STN1: variants seen among roughly 807,000 people sequenced by gnomAD.
STN1 encodes the protein STN1 subunit of CST complex.
STN1 carries 29 observed loss-of-function variants against 45.5 expected under a neutral mutation model. The observed-to-expected ratio is 0.64, with a 90% CI of 0.47 to 0.87. The LOEUF (loss-of-function observed/expected upper bound fraction) is 0.87. Ranked by LOEUF, STN1 falls within the 40% of genes least tolerant of loss-of-function variation. STN1 has a pLI of 0.00. For synonymous variants in STN1, 148 were observed against 159.0 expected, an observed-to-expected ratio of 0.93 and a Z score of 0.52; for missense variants, 376 against 441.4, an observed-to-expected ratio of 0.85 and a Z score of 1.33.
At chr10:103,890,892 A>C (rs1192275240) in intron 8 of STN1, among the ~76,000 whole-genome samples, 1 of 152,228 alleles carries the variant, frequency 6.6e-6, no homozygotes, top group Non-Finnish European at 1.5e-5. Flanking sequence ...AGAGCTGCAC[A>C]TAACGGAGTC....
At chr10:103,916,150 C>T (rs1280716028) in intron 2 of STN1, among the ~76,000 whole-genome samples, 1 of 152,184 alleles carries the variant, frequency 6.6e-6, no homozygotes, top group Non-Finnish European at 1.5e-5. Context: ...TTTAAAACAC[C>T]TTGGAAACAT....
rs772697510 is a variant in STN1 at position 103,900,127 on chromosome 10, G to A, written c.392C>T (p.Thr131Met). Residue 131 changes from threonine (T) to methionine (M), a missense_variant, in exon 5 of 10, where the codon ACG becomes ATG. Physicochemically the swap from Thr to Met is moderately conservative, Grantham distance 81 (BLOSUM62 -1). Transcript: ENST00000224950. ...EQKTKIEIGDTIRVRGSIRTY... is the reference protein window; with the variant it reads ...EQKTKIEIGDMIRVRGSIRTY... ...GCGGATACTGCCTCTGACTCGGATC[G>A]TGTCCCCGATCTCTATCTTTGTTTT... 143 of 1,614,140 alleles carry A rather than the reference G, an allele frequency of 8.9e-5. 1 individual carries two copies. In the Admixed American group the frequency reaches 2.0e-3, roughly 23 times the overall value.
At chr10:103,900,320 T>C (rs1589499969) in intron 4 of STN1, 97 bp from the exon 5 acceptor site, 3 of 1,144,724 alleles carry the variant, frequency 2.6e-6, no homozygotes, top group Admixed American at 5.0e-5. Flanking sequence ...CAACACAATA[T>C]GCTTATTTAT....
At chr10:103,890,398 G>A (rs1843132302) in intron 8 of STN1, among the ~76,000 whole-genome samples, 1 of 152,218 alleles carries the variant, frequency 6.6e-6, no homozygotes, top group African/African-American at 2.4e-5. Context: ...CAGGAGAAAG[G>A]TGACTACAAA....
In STN1 at chr10:103,881,785, C is replaced by G. The variant is rs781772750; in HGVS notation, c.*899G>C. On this transcript the variant is annotated 3_prime_UTR_variant, in exon 10 of 10. Coordinates refer to ENST00000224950, the MANE Select transcript of STN1 (RefSeq NM_024928.5). ...CTGTCAGAACAGGCCTACAACATAC[C>G]TCAGATGTTTTTCCTTTACCTTGTC... Among the ~76,000 whole-genome samples the G allele has an allele frequency of 2.0e-5, 3 of 152,192 alleles. No homozygotes were observed. Among genetic ancestry groups the G allele is most frequent in the South Asian group, 2.1e-4 (1 of 4,826 alleles).
chr10:103,910,671 T>A, intron 2 of STN1, 49 bp from the exon 3 acceptor site: 1 of 1,060,796 alleles, frequency 9.4e-7, no homozygotes, highest in Non-Finnish European at 1.4e-6. Flanking sequence ...TTACATTTTC[T>A]GCTTCAATAA....
intron 2 of STN1, among the ~76,000 whole-genome samples, chr10:103,916,266 C>T (rs1843330995): frequency 6.6e-6 from 1 of 152,180 alleles, no homozygotes; most frequent in Non-Finnish European, 1.5e-5. Context: ...CCTGTCATGT[C>T]CTTGGTACCT....
At chr10:103,885,784 C>T (rs1190053620) in intron 9 of STN1, among the ~76,000 whole-genome samples, 5 of 152,066 alleles carry the variant, frequency 3.3e-5, no homozygotes, top group African/African-American at 9.7e-5. Flanking sequence ...TTACATAATT[C>T]GACTCTTCTG....
chr10:103,914,376 T>A (rs868276555), intron 2 of STN1, among the ~76,000 whole-genome samples: 29 of 123,842 alleles, frequency 2.3e-4, no homozygotes, highest in African/African-American at 5.7e-4. Context: ...ATATATATAT[T>A]TTTTTTTTTT....
intron 3 of STN1, among the ~76,000 whole-genome samples, chr10:103,906,768 A>G (rs952124311): frequency 6.6e-6 from 1 of 152,246 alleles, no homozygotes; most frequent in African/African-American, 2.4e-5. Flanking sequence ...GGAAGATCTA[A>G]AAATGGCCAA....
At chr10:103,889,170 G>T in intron 8 of STN1, 26 bp from the exon 9 acceptor site, 1 of 1,513,846 alleles carries the variant, frequency 6.6e-7, no homozygotes, top group Non-Finnish European at 9.2e-7. Context: ...AGTTGAGAGA[G>T]AGAGTGTTCT....
At chr10:103,893,664 C>T (rs2134362198) in intron 7 of STN1, among the ~76,000 whole-genome samples, 1 of 152,292 alleles carries the variant, frequency 6.6e-6, no homozygotes, top group South Asian at 2.1e-4. Context: ...ATGACATTTC[C>T]TCAAGGGGAG....
chr10:103,906,657 T>G (rs1843243570), intron 3 of STN1, among the ~76,000 whole-genome samples: 1 of 150,340 alleles, frequency 6.7e-6, no homozygotes, highest in Non-Finnish European at 1.5e-5. Context: ...TGAAACCTTG[T>G]TTCAAAAAAT....
At chr10:103,883,814 G>A (rs1465682017) in intron 9 of STN1, among the ~76,000 whole-genome samples, 2 of 152,128 alleles carry the variant, frequency 1.3e-5, no homozygotes, top group African/African-American at 2.4e-5. Context: ...TATGGGCTAG[G>A]TGCAGTGGCT....
chr10:103,882,633 G>A lies in STN1; in HGVS notation c.*51C>T. 1 of 1,549,310 alleles carries A rather than the reference G, an allele frequency of 6.5e-7. No homozygotes were observed. Among genetic ancestry groups the A allele is most frequent in the Non-Finnish European group, 8.8e-7 (1 of 1,142,806 alleles). The stretch of plus-strand genomic sequence containing the variant: ...ATGATGCTGAAAGTCAGAGCCTGGG[G>A]GTGAATGCCACCTTATCTTTGTCCT... On this transcript the variant is annotated 3_prime_UTR_variant, in exon 10 of 10. Transcript: ENST00000224950.
intron 4 of STN1, among the ~76,000 whole-genome samples, 155 bp from the exon 5 acceptor site, chr10:103,900,378 T>C (rs1843200809): frequency 6.6e-6 from 1 of 152,246 alleles, no homozygotes. Context: ...CATAACCTTT[T>C]GGAGTACTCC....
intron 9 of STN1, 143 bp from the exon 10 acceptor site, chr10:103,882,984 C>T: frequency 1.3e-6 from 1 of 792,220 alleles, no homozygotes; most frequent in East Asian, 2.9e-5. Context: ...GCATGATCTA[C>T]CTGATCACAA....
rs879538483 is a variant in STN1, at chr10:103,878,668, G to C, written c.*4016C>G. ...GCTATGTGGGGTAAAAAGCACCTGA[G>C]ATCTCACCATGCAGAGGTAACATGT... On this transcript the variant is annotated 3_prime_UTR_variant, in exon 10 of 10. Coordinates refer to ENST00000224950, the MANE Select transcript of STN1 (RefSeq NM_024928.5). The C allele has an allele frequency of 2.0e-5, 3 of 152,156 alleles. No individual in the cohort carries two copies. Among genetic ancestry groups the C allele is most frequent in the Admixed American group, 6.5e-5 (1 of 15,268 alleles). 9.4% of individuals were successfully genotyped at this position (152,156 alleles called of 1,614,324 possible). A position where few individuals can be genotyped will look rare whatever the true frequency, so the allele number is the denominator to read the frequency against.
At position 103,915,385 on chromosome 10, in the gene STN1, C is replaced by T. The variant is rs141925695; in HGVS notation, c.133+2077G>A. Among the ~76,000 whole-genome samples the T allele has an allele frequency of 2.0e-3, 311 of 152,254 alleles. 1 individual carries two copies. The highest frequency in any genetic ancestry group is 7.2e-3 in the African/African-American group (297 of 41,532). The stretch of plus-strand genomic sequence containing the variant: ...CTTTTAGGCATAGACAGCCCCACCC[C>T]AAACTATCTAGGGATCCAGCATGAA... On this transcript the variant is annotated intron_variant, in intron 2 of 9. Transcript: ENST00000224950.
Sources: gnomAD v4.1 joint callset for allele counts (sites outside exome capture counted in the v4.1 genomes callset) on GRCh38, gnomAD v4.1.1 for gene constraint, MANE v1.5 for transcripts, NCBI Gene and HGNC (gene_info 2026-07-23, HGNC 2026-07-21) for gene names.